The following NUP98 variants were observed in gnomAD, a reference collection of about 807,000 sequenced individuals.
The protein encoded by NUP98 is nuclear pore complex protein Nup98-Nup96.
In NUP98, 26 loss-of-function variants were observed where a neutral mutation model predicts 191.9. The observed-to-expected ratio is 0.14, with a 90% CI of 0.10 to 0.19. NUP98 has a LOEUF of 0.19. Among genes scored for constraint, NUP98 ranks in the 10% least tolerant of loss-of-function variants. The probability of loss-of-function intolerance (pLI) is 1.00; values close to 1 mark genes in which losing one functional copy is unlikely to be tolerated. For missense variants in NUP98, 1,941 were observed against 2,178.8 expected (o/e 0.89, Z 2.17); for synonymous variants, 808 against 778.4 (o/e 1.04, Z -0.63).
chr11:3,779,826 A>C (rs1289364888), intron 2 of NUP98, among the ~76,000 whole-genome samples: 1 of 151,300 alleles, frequency 6.6e-6, no homozygotes, highest in African/African-American at 2.4e-5. Flanking sequence ...ACAGATGTTC[A>C]TAGGTTAAAA....
chr11:3,767,008 A>G (rs1480668709), intron 8 of NUP98, among the ~76,000 whole-genome samples: 1 of 152,158 alleles, frequency 6.6e-6, no homozygotes, highest in Non-Finnish European at 1.5e-5. Context: ...TCTGTCACCT[A>G]GGCTGGAGTG....
chr11:3,782,717 T>C (rs949133752), intron 1 of NUP98, among the ~76,000 whole-genome samples: 4 of 151,886 alleles, frequency 2.6e-5, no homozygotes, highest in East Asian at 3.9e-4. Flanking sequence ...TAATTATTTG[T>C]ATTTTTAGGA....
chr11:3,768,477 A>C (rs2081412854), intron 8 of NUP98, 104 bp downstream of exon 8: 1 of 1,079,050 alleles, frequency 9.3e-7, no homozygotes, highest in African/African-American at 1.6e-5. Context: ...TCAACTCTTA[A>C]GATTTGCAGT....
rs548827883 is a variant in NUP98, at chr11:3,776,931, G to A, written c.356-910C>T. Among the ~76,000 whole-genome samples, 8 of 152,240 alleles carry A rather than the reference G, an allele frequency of 5.3e-5. No homozygotes were observed. The South Asian group carries it at 1.7e-3, about 32-fold the overall frequency. On this transcript the variant is annotated intron_variant, in intron 4 of 32. Coordinates refer to ENST00000324932, the MANE Select transcript of NUP98 (RefSeq NM_016320.5). Reference sequence around the variant, plus strand: ...GAAGACAACTTAAAAGAAATACTTTGTTTCATCATAAATTTTATCTCATTT... The same window carrying A: ...GAAGACAACTTAAAAGAAATACTTTATTTCATCATAAATTTTATCTCATTT...
At chr11:3,725,369 G>A (rs767888370) in intron 14 of NUP98, 150 bp from the exon 15 acceptor site, 6 of 538,636 alleles carry the variant, frequency 1.1e-5, no homozygotes, top group Non-Finnish European at 2.0e-5. Flanking sequence ...ATTTATAAAC[G>A]CTTCCTAGGA....
chr11:3,689,099 G>C (rs566474285), intron 28 of NUP98, among the ~76,000 whole-genome samples: 1 of 151,914 alleles, frequency 6.6e-6, no homozygotes, highest in East Asian at 1.9e-4. Context: ...GAGTATGGTG[G>C]TGCACTCCTG....
At chr11:3,739,256 A>C (rs189737992) in intron 12 of NUP98, among the ~76,000 whole-genome samples, 19 of 152,156 alleles carry the variant, frequency 1.2e-4, no homozygotes, top group African/African-American at 4.6e-4. Context: ...AAATTAAAAC[A>C]ATTTTTTTTT....
chr11:3,707,874 G>A (rs2078910786), intron 20 of NUP98, among the ~76,000 whole-genome samples: 1 of 152,046 alleles, frequency 6.6e-6, no homozygotes, highest in Non-Finnish European at 1.5e-5. Context: ...ACTGAGGTGA[G>A]TGGATCACCT....
At chr11:3,727,820 T>C (rs1348945145) in intron 14 of NUP98, among the ~76,000 whole-genome samples, 1 of 151,920 alleles carries the variant, frequency 6.6e-6, no homozygotes, top group African/African-American at 2.4e-5. Flanking sequence ...AGCTAGGAGT[T>C]TGAGACCAGC....
chr11:3,771,719 T>C (rs1480016054), intron 7 of NUP98, 29 bp downstream of exon 7: 2 of 1,599,868 alleles, frequency 1.3e-6, no homozygotes, highest in Non-Finnish European at 1.7e-6. Context: ...CTCTCCTCAG[T>C]ATAATCTAAC....
intron 1 of NUP98, among the ~76,000 whole-genome samples, chr11:3,790,348 CAGT>C (rs573863617): frequency 2.4e-4 from 37 of 152,110 alleles, no homozygotes; most frequent in Non-Finnish European, 4.9e-4. Flanking sequence ...GGAGTAGGTA[CAGT>C]AGAACCCCAC....
Position 3,771,863 on chromosome 11 carries a change from G to A in NUP98, c.669C>T (p.Thr223=), listed in dbSNP as rs950449404. ...KGPQNQVGAG[T]TTGLFGSSPA... ...GAGAAGACCCAAACAAGCCAGTTGTGGTACCTGCTCCCACCTGGTTCTGTG... is the reference window on the plus strand; with the variant it reads ...GAGAAGACCCAAACAAGCCAGTTGTAGTACCTGCTCCCACCTGGTTCTGTG... The change falls in exon 7 of 33, where the codon ACC becomes ACT. Residue 223 remains threonine (T), a synonymous_variant. Transcript: ENST00000324932. 14 of 1,613,964 alleles carry A rather than the reference G, an allele frequency of 8.7e-6. No individual in the cohort carries two copies. Among genetic ancestry groups the A allele is most frequent in the Non-Finnish European group, 1.2e-5 (14 of 1,180,008 alleles).
At chr11:3,726,229 C>A (rs190297818) in intron 14 of NUP98, among the ~76,000 whole-genome samples, 1 of 150,218 alleles carries the variant, frequency 6.7e-6, no homozygotes. Context: ...AAGAGTTGAA[C>A]TAAAAGGAAA....
chr11:3,749,710 T>C (rs954033908), intron 11 of NUP98, among the ~76,000 whole-genome samples: 8 of 151,500 alleles, frequency 5.3e-5, no homozygotes, highest in African/African-American at 1.9e-4. Context: ...TCCAACACTA[T>C]GAACAGAGAA....
chr11:3,771,814 G>A lies in NUP98; in HGVS notation c.718C>T (p.Leu240Phe). The A allele has an allele frequency of 6.2e-7, 1 of 1,614,202 alleles. No individual in the cohort carries two copies. The highest frequency in any genetic ancestry group is 8.5e-7 in the Non-Finnish European group (1 of 1,180,032). The change falls in exon 7 of 33, where the codon CTC becomes TTC. Residue 240 changes from leucine (L) to phenylalanine (F), a missense_variant. This residue lies in a region of NUP98 where 181 missense variants were observed against 228.0 expected (regional missense o/e 0.79). Coordinates refer to ENST00000324932, the MANE Select transcript of NUP98 (RefSeq NM_016320.5). ...GAATTAGTGGTGGAGGAGCTGAAGA[G>A]TCCTGTTGCGCTGGAAGTGGCTGGA... ...SSPATSSATG[L>F]FSSSTTNSGF...
intron 19 of NUP98, 65 bp from the exon 20 acceptor site, chr11:3,712,793 A>C (rs1186435550): frequency 3.3e-6 from 5 of 1,518,790 alleles, no homozygotes; most frequent in Non-Finnish European, 4.5e-6. Context: ...CTGCCTTTGC[A>C]ATCTTGCAGC....
Position 3,709,914 on chromosome 11 carries a change from G to A in NUP98, c.2742+2650C>T, listed in dbSNP as rs180721462. ...GGTGCAGCACAGCAGCATGGCACAT[G>A]TATACATATGTAACTAACCTGCACA... is the stretch of plus-strand genomic sequence containing the variant. On this transcript the variant is annotated intron_variant, in intron 20 of 32. Coordinates refer to ENST00000324932, the MANE Select transcript of NUP98 (RefSeq NM_016320.5). Among the ~76,000 whole-genome samples the A allele has an allele frequency of 4.9e-5, 7 of 142,406 alleles. No individual in the cohort carries two copies. In the East Asian group the frequency reaches 1.3e-3, roughly 26 times the overall value. 93.4% of individuals were successfully genotyped at this position (142,406 alleles called of 152,430 possible).
At chr11:3,797,363 C>A in intron 1 of NUP98, 37 bp downstream of exon 1, 1 of 400,766 alleles carries the variant, frequency 2.5e-6, no homozygotes, top group South Asian at 1.1e-4. Context: ...GAGAAACCTG[C>A]CGGTCTCGGC....
chr11:3,689,166 G>C (rs1227179980), intron 28 of NUP98, among the ~76,000 whole-genome samples: 1 of 152,146 alleles, frequency 6.6e-6, no homozygotes, highest in African/African-American at 2.4e-5. Context: ...CCGGGTGGTT[G>C]AGACTGCAAT....
Sources: allele counts gnomAD v4.1 joint callset (sites outside exome capture counted in the v4.1 genomes callset), GRCh38; gene constraint gnomAD v4.1.1; regional missense constraint gnomAD v4.1.1; transcripts MANE v1.5; gene names NCBI Gene and HGNC (gene_info 2026-07-23, HGNC 2026-07-21).